Variants in CREB3 observed in about 807,000 individuals in gnomAD.
The protein encoded by CREB3 is cyclic AMP-responsive element-binding protein 3.
CREB3 carries 29 observed loss-of-function variants against 34.5 expected under a neutral mutation model. That is an observed-to-expected ratio of 0.84 (90% CI 0.63 to 1.15). CREB3 has a LOEUF of 1.15. CREB3 is among the 50% of genes most tolerant of loss of function. The pLI is 0.00. For missense variants in CREB3, 447 were observed against 443.4 expected, an observed-to-expected ratio of 1.01 and a Z score of -0.07; for synonymous variants, 187 against 173.9, an observed-to-expected ratio of 1.08 and a Z score of -0.59.
chr9:35,732,916 T>A lies in CREB3; in HGVS notation c.129+15T>A. The A allele has an allele frequency of 6.2e-7, 1 of 1,613,294 alleles. No individual in the cohort carries two copies. Among genetic ancestry groups the A allele is most frequent in the African/African-American group, 1.3e-5 (1 of 75,050 alleles). Reference sequence around the variant, plus strand: ...CGCTTTCTGAGGTAGGTTGGGGTTCTGACTGGGGAAAGCGTGGGATGTCCA... The same window carrying A: ...CGCTTTCTGAGGTAGGTTGGGGTTCAGACTGGGGAAAGCGTGGGATGTCCA... On this transcript the variant is annotated intron_variant, in intron 1 of 8. Transcript: ENST00000353704. This position sits in a 1 kb window ranked among gnomAD's most constrained non-coding sequence, Gnocchi z 5.1.
chr9:35,736,760 C>T lies in CREB3; in HGVS notation c.*34C>T, dbSNP rs1826228116. 1 of 1,555,046 alleles carries T rather than the reference C, an allele frequency of 6.4e-7. No homozygotes were observed. The highest frequency in any genetic ancestry group is 8.7e-7 in the Non-Finnish European group (1 of 1,148,638). On this transcript the variant is annotated 3_prime_UTR_variant, in exon 9 of 9. Transcript: ENST00000353704. ...ATATGTGGGGGGTCTCAGCAGGAGC[C>T]TGGGGGGCTCCCCATCTGTGTCCAA...
At chr9:35,734,884 C>T (rs900688728) in intron 4 of CREB3, among the ~76,000 whole-genome samples, 2 of 152,142 alleles carry the variant, frequency 1.3e-5, no homozygotes, top group South Asian at 2.1e-4. Flanking sequence ...TGAGCCACGT[C>T]GCCTGAATAC....
intron 8 of CREB3, 40 bp downstream of exon 8, chr9:35,736,351 A>C (rs1826207376): frequency 6.2e-7 from 1 of 1,613,256 alleles, no homozygotes; most frequent in Non-Finnish European, 8.5e-7. Flanking sequence ...GGGCAAGGGG[A>C]GAGGTCTGGG....
At position 35,733,106 on chromosome 9, in the gene CREB3, C is replaced by T; in HGVS notation, c.240C>T (p.Thr80=). 1.9e-6 allele frequency: 3 copies of T among 1,614,256 alleles called. No individual in the cohort carries two copies. The highest frequency in any genetic ancestry group is 2.5e-6 in the Non-Finnish European group (3 of 1,180,046). The change falls in exon 2 of 9, where the codon ACC becomes ACT. Residue 80 remains threonine (T), a synonymous_variant. Transcript: ENST00000353704. ...SNPCLVHHDH[T]YSLPRETVSM... ...CCTGCCTTGTCCACCATGACCACAC[C>T]TACTCCCTCCCACGGGAAACTGTCT...
intron 4 of CREB3, 89 bp from the exon 5 acceptor site, chr9:35,735,019 TC>T: frequency 9.4e-7 from 1 of 1,067,750 alleles, no homozygotes. Flanking sequence ...AGAAGGGATT[TC>T]TGTATTGGAA....
chr9:35,736,788 A>T lies in CREB3; in HGVS notation c.*62A>T. ...GGGGGCTCCCCATCTGTGTCCAAATAAAAAGCGGTGGGCAAGGGCTGGCCG... is the reference window on the plus strand; with the variant it reads ...GGGGGCTCCCCATCTGTGTCCAAATTAAAAGCGGTGGGCAAGGGCTGGCCG... On this transcript the variant is annotated 3_prime_UTR_variant, in exon 9 of 9. Coordinates refer to ENST00000353704, the MANE Select transcript of CREB3 (RefSeq NM_006368.5). 6.8e-7 allele frequency: 1 copy of T among 1,477,442 alleles called. No individual in the cohort carries two copies. Among genetic ancestry groups the T allele is most frequent in the Non-Finnish European group, 9.2e-7 (1 of 1,091,644 alleles). The allele number at this position is 1,477,442 out of a possible 1,614,324, so 91.5% of individuals were successfully genotyped here.
At position 35,733,451 on chromosome 9, in the gene CREB3, G is replaced by C; in HGVS notation, c.401G>C (p.Gly134Ala). The change falls in exon 4 of 9, where the codon GGG (glycine) becomes GCG (alanine). Residue 134 changes from glycine to alanine, a missense_variant. By Grantham distance (60) the Gly-to-Ala change is moderately conservative. Coordinates refer to ENST00000353704, the MANE Select transcript of CREB3 (RefSeq NM_006368.5). ...GAGAAGAGTCTATTGGAGAAGGAGGGGCTTATTCTGCCTGAGACACTTCCT... is the reference window on the plus strand; with the variant it reads ...GAGAAGAGTCTATTGGAGAAGGAGGCGCTTATTCTGCCTGAGACACTTCCT... ...DEEKSLLEKE[G>A]LILPETLPLT... 1 of 1,613,476 alleles carries C rather than the reference G, an allele frequency of 6.2e-7. No homozygotes were observed. Among genetic ancestry groups the C allele is most frequent in the Non-Finnish European group, 8.5e-7 (1 of 1,179,492 alleles).
At chr9:35,734,135 G>A (rs373629404) in intron 4 of CREB3, among the ~76,000 whole-genome samples, 1 of 152,108 alleles carries the variant, frequency 6.6e-6, no homozygotes, top group South Asian at 2.1e-4. Flanking sequence ...TACCCTGCCC[G>A]GCAATTTTTT....
At chr9:35,735,985 T>C in intron 6 of CREB3, 63 bp from the exon 7 acceptor site, 1 of 1,293,108 alleles carries the variant, frequency 7.7e-7, no homozygotes, top group East Asian at 2.3e-5. Context: ...TGAACAGGAG[T>C]TTCACTGTGT....
chr9:35,732,882 G>A lies in CREB3; in HGVS notation c.110G>A (p.Trp37Ter), dbSNP rs141049272. The change falls in exon 1 of 9, where the codon TGG (tryptophan) becomes TAG (stop). Residue 37 changes from tryptophan (W) to a stop codon, truncating the protein, a stop_gained. Transcript: ENST00000353704. LOFTEE classifies it high-confidence loss of function. The surrounding 1 kb of genome is among the most constrained non-coding windows in gnomAD (Gnocchi z 5.1). ...GAGGCCGTGAGGGCCCCACTGGACT[G>A]GGCGCTGCCGCTTTCTGAGGTAGGT... ...PDEAVRAPLD[W>*]ALPLSEVPSD... 1.2e-6 allele frequency: 2 copies of A among 1,614,010 alleles called. No individual in the cohort carries two copies. Among genetic ancestry groups the A allele is most frequent in the Non-Finnish European group, 1.7e-6 (2 of 1,179,944 alleles).
rs1331768873 is a variant in CREB3, at chr9:35,732,867, G to A, written c.95G>A (p.Arg32Lys). Residue 32 changes from arginine to lysine, a missense_variant, in exon 1 of 9, where the codon AGG (arginine) becomes AAG (lysine). Arg to Lys is a conservative substitution (Grantham distance 26). Coordinates refer to ENST00000353704, the MANE Select transcript of CREB3 (RefSeq NM_006368.5). The surrounding 1 kb of genome is among the most constrained non-coding windows in gnomAD (Gnocchi z 5.1). ...GGGACGGCACCCGATGAGGCCGTGA[G>A]GGCCCCACTGGACTGGGCGCTGCCG... is the stretch of plus-strand genomic sequence containing the variant. The part of the protein sequence containing the change: ...DLGTAPDEAV[R>K]APLDWALPLS... The A allele has an allele frequency of 1.2e-6, 2 of 1,614,226 alleles. No individual in the cohort carries two copies. Among genetic ancestry groups the A allele is most frequent in the East Asian group, 2.2e-5 (1 of 44,888 alleles).
Position 35,736,220 on chromosome 9 carries a change from G to A in CREB3, c.697-7G>A. On this transcript the variant is annotated splice_region_variant and splice_polypyrimidine_tract_variant and intron_variant, in intron 7 of 8. Transcript: ENST00000353704. ...CCCTTCTTCATCTCCTTTTTCCTGT[G>A]CTCTAGGTCCTACTAGTCTCCTTCT... 6.2e-7 allele frequency: 1 copy of A among 1,614,030 alleles called. No homozygotes were observed. The highest frequency in any genetic ancestry group is 1.1e-5 in the South Asian group (1 of 91,074).
rs1826224410 is a variant in CREB3, at chr9:35,736,693, C to T, written c.1083C>T (p.Pro361=). The change falls in exon 9 of 9, where the codon CCC becomes CCT. Residue 361 remains proline (P), a synonymous_variant. Transcript: ENST00000353704. ...RKGGWLPTGS[P]SVILQDRYSG Reference sequence around the variant, plus strand: ...GAGGATGGCTTCCTACTGGTAGCCCCTCTGTCATTTTGCAGGACAGATACT... The same window carrying T: ...GAGGATGGCTTCCTACTGGTAGCCCTTCTGTCATTTTGCAGGACAGATACT... 1 of 1,611,200 alleles carries T rather than the reference C, an allele frequency of 6.2e-7. No homozygotes were observed. Among genetic ancestry groups the T allele is most frequent in the Admixed American group, 1.7e-5 (1 of 60,024 alleles).
rs766535577 is a variant in CREB3 at position 35,733,438 on chromosome 9, T to C, written c.388T>C (p.Leu130=). 6.2e-7 allele frequency: 1 copy of C among 1,613,846 alleles called. No homozygotes were observed. ...LVLTDEEKSL[L]EKEGLILPET... Reference sequence around the variant, plus strand: ...ACTGACAGATGAGGAGAAGAGTCTATTGGAGAAGGAGGGGCTTATTCTGCC... The same window carrying C: ...ACTGACAGATGAGGAGAAGAGTCTACTGGAGAAGGAGGGGCTTATTCTGCC... Residue 130 remains leucine, a synonymous_variant, in exon 4 of 9, where the codon TTG becomes CTG. Coordinates refer to ENST00000353704, the MANE Select transcript of CREB3 (RefSeq NM_006368.5).
chr9:35,736,617 C>T lies in CREB3; in HGVS notation c.1007C>T (p.Pro336Leu). ...CCATTCCCTGACCTCTTCTCAGAGC[C>T]TCTCTGCCGAGGTCCCATCCTCCCC... ...EWPFPDLFSE[P>L]LCRGPILPLQ... Residue 336 changes from proline (P) to leucine (L), a missense_variant, in exon 9 of 9, where the codon CCT (proline) becomes CTT (leucine). Pro to Leu is a moderately conservative substitution (Grantham distance 98). Transcript: ENST00000353704. The T allele has an allele frequency of 1.9e-6, 3 of 1,613,994 alleles. No homozygotes were observed. The highest frequency in any genetic ancestry group is 2.5e-6 in the Non-Finnish European group (3 of 1,180,030).
At chr9:35,736,356 T>A (rs1826207567) in intron 8 of CREB3, 36 bp from the exon 9 acceptor site, 15 of 1,612,676 alleles carry the variant, frequency 9.3e-6, no homozygotes, top group Non-Finnish European at 1.3e-5. Flanking sequence ...AGGGGAGAGG[T>A]CTGGGTTGGC....
At chr9:35,735,438 C>T in intron 6 of CREB3, 64 bp downstream of exon 6, 1 of 1,434,318 alleles carries the variant, frequency 7.0e-7, no homozygotes, top group Non-Finnish European at 9.8e-7. Context: ...CACTCTTTCC[C>T]CTGCCCTACA....
chr9:35,735,040 T>G, intron 4 of CREB3, 69 bp from the exon 5 acceptor site: 3 of 1,259,172 alleles, frequency 2.4e-6, no homozygotes, highest in Non-Finnish European at 3.4e-6. Context: ...AAGAGATTGA[T>G]CTCAGTTGCG....
rs533674202 is a variant in CREB3, at chr9:35,732,690, C to G, written c.-83C>G. 7.8e-6 allele frequency: 12 copies of G among 1,532,516 alleles called. No individual in the cohort carries two copies. Among genetic ancestry groups the G allele is most frequent in the African/African-American group, 1.4e-5 (1 of 72,326 alleles). The allele number at this position is 1,532,516 out of a possible 1,614,324, so 94.9% of individuals were successfully genotyped here. On this transcript the variant is annotated 5_prime_UTR_variant, in exon 1 of 9. Transcript: ENST00000353704. The surrounding 1 kb of genome is among the most constrained non-coding windows in gnomAD (Gnocchi z 5.1). ...CGTAGAGGGACAGTGGATAGGTGCC[C>G]GAGGCCTACAGCTGGCCTGGGGCTC...
Sources: gnomAD v4.1 joint callset for allele counts (sites outside exome capture counted in the v4.1 genomes callset) on GRCh38, gnomAD v4.1.1 for gene constraint, Gnocchi (gnomAD v3.1) non-coding constraint, MANE v1.5 for transcripts, NCBI Gene and HGNC (gene_info 2026-07-23, HGNC 2026-07-21) for gene names.